The following TSPEAR variants were observed in gnomAD, a reference collection of about 807,000 sequenced individuals.
TSPEAR encodes the protein thrombospondin type laminin G domain and EAR repeats.
In TSPEAR, 69 loss-of-function variants were observed where a neutral mutation model predicts 71.6. The ratio of observed to expected loss-of-function variants is 0.96; its 90% CI spans 0.79 to 1.18. The LOEUF (loss-of-function observed/expected upper bound fraction) is 1.18, where lower values mean the gene tolerates loss of function less well. Among genes scored for constraint, TSPEAR ranks in the 50% most tolerant of loss-of-function variants. The probability of loss-of-function intolerance (pLI) is 0.00; values close to 1 mark genes in which losing one functional copy is unlikely to be tolerated. For missense variants in TSPEAR, 971 were observed against 894.9 expected, an observed-to-expected ratio of 1.09 and a Z score of -1.09; for synonymous variants, 402 against 387.2, an observed-to-expected ratio of 1.04 and a Z score of -0.45.
In TSPEAR at chr21:44,711,244, C is replaced by G. The variant is rs1296627415; in HGVS notation, c.82+189G>C. Reference sequence around the variant, plus strand: ...TTCTATTGCAACTGCCTGCCCTGCGCTTTCATCTTCCCCACCTGTGCTCCT... The same window carrying G: ...TTCTATTGCAACTGCCTGCCCTGCGGTTTCATCTTCCCCACCTGTGCTCCT... On this transcript the variant is annotated intron_variant, in intron 1 of 11. Transcript: ENST00000323084. The surrounding 1 kb of genome is among the most constrained non-coding windows in gnomAD (Gnocchi z 4.5). 6.6e-6 allele frequency among the ~76,000 whole-genome samples: 1 copy of G among 152,104 alleles called. No individual in the cohort carries two copies. The highest frequency in any genetic ancestry group is 1.9e-4 in the East Asian group (1 of 5,186).
intron 11 of TSPEAR, among the ~76,000 whole-genome samples, chr21:44,503,513 T>G (rs2052100346): frequency 8.5e-6 from 1 of 117,602 alleles, no homozygotes; most frequent in African/African-American, 3.3e-5. Flanking sequence ...CCGGCCTTGG[T>G]GAGCCCTTGG....
In TSPEAR at chr21:44,567,997, G is replaced by A. The variant is rs782198045; in HGVS notation, c.91C>T (p.Pro31Ser). 1 of 1,529,140 alleles carries A rather than the reference G, an allele frequency of 6.5e-7. No individual in the cohort carries two copies. Among genetic ancestry groups the A allele is most frequent in the Non-Finnish European group, 8.8e-7 (1 of 1,133,332 alleles). The allele number at this position is 1,529,140 out of a possible 1,614,324, so 94.7% of individuals were successfully genotyped here. A position where few individuals can be genotyped will look rare whatever the true frequency, so the allele number is the denominator to read the frequency against. The change falls in exon 2 of 12, where the codon CCC becomes TCC. Residue 31 changes from proline (P) to serine (S), a missense_variant. Coordinates refer to ENST00000323084, the MANE Select transcript of TSPEAR (RefSeq NM_144991.3). ...ACCACTTCCGCCAGGATGTCCAGGG[G>A]GCGCAGGTCTGTGGCAAAGAAATCA... ...QGWEPCTDLR[P>S]LDILAEVVPS...
chr21:44,661,281 C>CAAAAAAA (rs10572767), intron 1 of TSPEAR, among the ~76,000 whole-genome samples: 3 of 79,700 alleles, frequency 3.8e-5, no homozygotes, highest in Non-Finnish European at 4.7e-5. Context: ...GACTCCGTCT[C>CAAAAAAA]AAAAAAAAAA....
chr21:44,616,742 G>A (rs1239879924), intron 1 of TSPEAR, among the ~76,000 whole-genome samples: 4 of 152,238 alleles, frequency 2.6e-5, no homozygotes, highest in Non-Finnish European at 5.9e-5. Context: ...CTGGCTCAGC[G>A]CAGGCAGCGC....
chr21:44,600,756 C>A, intron 1 of TSPEAR: 2 of 1,605,022 alleles, frequency 1.2e-6, no homozygotes, highest in Non-Finnish European at 8.5e-7. Context: ...GCGAGCCCCC[C>A]TGCTGCGCCC....
chr21:44,703,400 G>T (rs1383090231), intron 1 of TSPEAR, among the ~76,000 whole-genome samples: 8 of 152,250 alleles, frequency 5.3e-5, no homozygotes. Context: ...TCTGGCCAGA[G>T]GGCTCCTTGG....
chr21:44,558,820 C>G, intron 2 of TSPEAR: 1 of 1,391,716 alleles, frequency 7.2e-7, no homozygotes, highest in Admixed American at 2.2e-5. Context: ...GTGGTCGGAA[C>G]CTTTATACCC....
chr21:44,540,224 C>G (rs1458283082), intron 2 of TSPEAR: 1 of 1,572,004 alleles, frequency 6.4e-7, no homozygotes, highest in South Asian at 1.2e-5. Flanking sequence ...GTGTGAGTGA[C>G]TGAGTGTGTG....
intron 9 of TSPEAR, chr21:44,519,085 G>C (rs990262760): frequency 6.2e-6 from 1 of 162,270 alleles, no homozygotes; most frequent in Non-Finnish European, 1.3e-5. Flanking sequence ...CTGGAGTGCA[G>C]TGGCGTGATC....
At chr21:44,595,657 C>A (rs114354098) in intron 1 of TSPEAR, among the ~76,000 whole-genome samples, 5,960 of 152,238 alleles carry the variant, frequency 0.039, 282 homozygotes, top group African/African-American at 0.11. Context: ...GAGGAACGTG[C>A]GGCACTGAGG....
At chr21:44,683,394 G>A (rs536860848) in intron 1 of TSPEAR, among the ~76,000 whole-genome samples, 2 of 152,248 alleles carry the variant, frequency 1.3e-5, no homozygotes, top group South Asian at 2.1e-4. Context: ...GACCAGGCAC[G>A]GTTGTTTATG....
intron 1 of TSPEAR, chr21:44,658,303 T>C (rs9306112): frequency 0.68 from 1,085,322 of 1,599,940 alleles, 369,915 homozygotes; most frequent in African/African-American, 0.81. Context: ...GGTACACACC[T>C]GTATCCCTCC....
In TSPEAR at chr21:44,593,136, G is replaced by A. The variant is rs60417418; in HGVS notation, c.83-25131C>T. Reference sequence around the variant, plus strand: ...GACCTGTGTGTTCCAGGGCAAGGACGGTGGGCTTGGCCCCTCCCTGCTTGG... The same window carrying A: ...GACCTGTGTGTTCCAGGGCAAGGACAGTGGGCTTGGCCCCTCCCTGCTTGG... On this transcript the variant is annotated intron_variant, in intron 1 of 11. Coordinates refer to ENST00000323084, the MANE Select transcript of TSPEAR (RefSeq NM_144991.3). The surrounding 1 kb of genome is among the most constrained non-coding windows in gnomAD (Gnocchi z 5.9). Among the ~76,000 whole-genome samples, 11,075 of 152,256 alleles carry A rather than the reference G, an allele frequency of 0.073. 1,113 individuals carry two copies. Among genetic ancestry groups the A allele is most frequent in the African/African-American group, 0.22 (9,339 of 41,520 alleles).
chr21:44,653,838 G>C (rs897306509), intron 1 of TSPEAR, among the ~76,000 whole-genome samples: 1 of 152,238 alleles, frequency 6.6e-6, no homozygotes, highest in African/African-American at 2.4e-5. Context: ...ACTAGCCCGA[G>C]AGGGTGCTGT....
chr21:44,525,388 C>A (rs2052833936), intron 8 of TSPEAR, among the ~76,000 whole-genome samples: 1 of 152,130 alleles, frequency 6.6e-6, no homozygotes, highest in Non-Finnish European at 1.5e-5. Context: ...CAGTTTCAGA[C>A]AAGGAGGGAG....
intron 1 of TSPEAR, among the ~76,000 whole-genome samples, chr21:44,704,106 C>G (rs192995761): frequency 6.6e-6 from 1 of 152,212 alleles, no homozygotes; most frequent in Non-Finnish European, 1.5e-5. Flanking sequence ...CTGCAAGGAC[C>G]CTCAGTGAGA....
At chr21:44,615,000 C>G (rs1027802017) in intron 1 of TSPEAR, among the ~76,000 whole-genome samples, 41 of 152,332 alleles carry the variant, frequency 2.7e-4, no homozygotes, top group Admixed American at 2.5e-3. Flanking sequence ...AAAAGCTGGA[C>G]ACACCCATCG....
At chr21:44,685,693 G>A (rs1434244191) in intron 1 of TSPEAR, among the ~76,000 whole-genome samples, 1 of 152,190 alleles carries the variant, frequency 6.6e-6, no homozygotes, top group African/African-American at 2.4e-5. Flanking sequence ...GTCCCAGCTG[G>A]TTCAGGACTT....
intron 1 of TSPEAR, chr21:44,574,337 C>G: frequency 3.1e-6 from 5 of 1,610,380 alleles, no homozygotes; most frequent in South Asian, 1.1e-5. Flanking sequence ...TCTGTGAGCC[C>G]AGCCCCTGCC....
Sources: gnomAD v4.1 joint callset for allele counts (sites outside exome capture counted in the v4.1 genomes callset) on GRCh38, gnomAD v4.1.1 for gene constraint, Gnocchi (gnomAD v3.1) non-coding constraint, MANE v1.5 for transcripts, NCBI Gene and HGNC (gene_info 2026-07-23, HGNC 2026-07-21) for gene names.